The following PADI4 variants were observed in gnomAD, a reference collection of about 807,000 sequenced individuals.
PADI4 encodes the protein protein-arginine deiminase type-4.
A neutral mutation model predicts 75.0 loss-of-function variants in PADI4; 62 were observed. The observed-to-expected ratio is 0.83, with a 90% confidence interval of 0.67 to 1.02. PADI4 has a LOEUF of 1.02. Among genes scored for constraint, PADI4 ranks in the 50% least tolerant of loss-of-function variants. The pLI is 0.00. For missense variants in PADI4, 845 were observed against 850.5 expected, an observed-to-expected ratio of 0.99 and a Z score of 0.08; for synonymous variants, 361 against 348.1, an observed-to-expected ratio of 1.04 and a Z score of -0.41.
chr1:17,349,615 G>A (rs1449655493), intron 10 of PADI4, among the ~76,000 whole-genome samples: 1 of 151,244 alleles, frequency 6.6e-6, no homozygotes, highest in African/African-American at 2.4e-5. Flanking sequence ...TGAGGCAGGA[G>A]AATCCCTTGA....
Position 17,362,587 on chromosome 1 carries a change from C to T in PADI4, c.1759-935C>T, listed in dbSNP as rs143648150. Among the ~76,000 whole-genome samples the T allele has an allele frequency of 2.4e-3, 358 of 152,066 alleles. 1 individual carries two copies. Among genetic ancestry groups the T allele is most frequent in the South Asian group, 0.011 (52 of 4,822 alleles). On this transcript the variant is annotated intron_variant, in intron 15 of 15. Coordinates refer to ENST00000375448, the MANE Select transcript of PADI4 (RefSeq NM_012387.3). ...GGGCTGGAAAATTACCTATCGGGTA[C>T]GATGTTCATTGTTTGGGTAATGGAT...
intron 3 of PADI4, 51 bp downstream of exon 3, chr1:17,334,060 C>G: frequency 8.9e-7 from 1 of 1,123,340 alleles, no homozygotes; most frequent in South Asian, 1.2e-5. Context: ...TGCCCACCTC[C>G]TAATCCCTGC....
Position 17,346,245 on chromosome 1 carries a change from C to A in PADI4, c.1047+106C>A. On this transcript the variant is annotated intron_variant, in intron 9 of 15. Transcript: ENST00000375448. This position sits in a 1 kb window ranked among gnomAD's most constrained non-coding sequence, Gnocchi z 4.3. The stretch of plus-strand genomic sequence containing the variant: ...GCCTGGTGCCTCACCGGCCACTCTT[C>A]CTTAGATGGACAGGGAGATAGGAAC... 1.5e-6 allele frequency: 1 copy of A among 667,240 alleles called. No homozygotes were observed. Among genetic ancestry groups the A allele is most frequent in the Non-Finnish European group, 2.7e-6 (1 of 373,526 alleles). 41.3% of individuals were successfully genotyped at this position (667,240 alleles called of 1,614,324 possible).
At chr1:17,329,099 T>C (rs543825754) in intron 1 of PADI4, among the ~76,000 whole-genome samples, 5 of 146,372 alleles carry the variant, frequency 3.4e-5, no homozygotes, top group Admixed American at 2.1e-4. Context: ...TTAATAAATA[T>C]CTTTATTAAG....
At chr1:17,351,482 T>A (rs1280354786) in intron 10 of PADI4, among the ~76,000 whole-genome samples, 1 of 151,152 alleles carries the variant, frequency 6.6e-6, no homozygotes, top group Non-Finnish European at 1.5e-5. Flanking sequence ...TGGTGGTGCA[T>A]GCCTATAGTT....
chr1:17,351,126 A>G (rs2074609619), intron 10 of PADI4, among the ~76,000 whole-genome samples: 2 of 128,352 alleles, frequency 1.6e-5, no homozygotes, highest in Non-Finnish European at 3.4e-5. Flanking sequence ...TGAGCCCAGG[A>G]GGTCAAGGCT....
chr1:17,336,038 A>G, intron 3 of PADI4, 121 bp from the exon 4 acceptor site: 1 of 671,526 alleles, frequency 1.5e-6, no homozygotes, highest in Non-Finnish European at 2.7e-6. Context: ...GGACGGGAAG[A>G]GGGGCTCACA....
intron 1 of PADI4, among the ~76,000 whole-genome samples, chr1:17,330,558 C>T (rs1205347088): frequency 7.8e-6 from 1 of 128,126 alleles, no homozygotes; most frequent in African/African-American, 2.8e-5. Context: ...CCTAGCAAGC[C>T]ACTGGAGCAA....
intron 1 of PADI4, among the ~76,000 whole-genome samples, chr1:17,316,176 A>T (rs1415017037): frequency 2.0e-5 from 3 of 151,458 alleles, no homozygotes; most frequent in Non-Finnish European, 4.4e-5. Context: ...GGCTGATCAC[A>T]TGAGGCCAGA....
intron 10 of PADI4, among the ~76,000 whole-genome samples, chr1:17,351,680 T>C (rs2074627429): frequency 6.6e-6 from 1 of 150,548 alleles, no homozygotes; most frequent in Non-Finnish European, 1.5e-5. Context: ...ACGGAGAAGC[T>C]GACCTTGCAG....
intron 6 of PADI4, among the ~76,000 whole-genome samples, chr1:17,341,007 G>A (rs572336257): frequency 1.3e-5 from 2 of 151,260 alleles, no homozygotes; most frequent in African/African-American, 4.9e-5. Context: ...CACCAGGTTG[G>A]CCAGACAGGT....
chr1:17,316,710 TTAATTAATTAATTAATTAATTA>T (rs1557539615), intron 1 of PADI4, among the ~76,000 whole-genome samples: 4 of 141,146 alleles, frequency 2.8e-5, no homozygotes, highest in Non-Finnish European at 4.6e-5. Context: ...AATAAATAAA[TTAATTAATTAATTAATTAATTA>T]AAATAAATAA....
intron 8 of PADI4, 64 bp from the exon 9 acceptor site, chr1:17,345,964 C>A: frequency 3.6e-6 from 4 of 1,107,996 alleles, no homozygotes; most frequent in Admixed American, 1.8e-5. Flanking sequence ...GTGTCCCTCC[C>A]AATCCTTCCA....
intron 10 of PADI4, among the ~76,000 whole-genome samples, chr1:17,352,900 G>C (rs2074690787): frequency 6.6e-6 from 1 of 152,210 alleles, no homozygotes; most frequent in Non-Finnish European, 1.5e-5. Flanking sequence ...ATGAGACTTG[G>C]CAGGACGACT....
rs140720020 is a variant in PADI4 at position 17,341,969 on chromosome 1, G to A, written c.679G>A (p.Val227Ile). ...TRGKLSSKCS[V>I]VLGPKWPSHY... Reference sequence around the variant, plus strand: ...GGGCAAACTGTCCTCCAAGTGCAGCGTAGTCTTGGGTCCCAAGTGGCCCTC... The same window carrying A: ...GGGCAAACTGTCCTCCAAGTGCAGCATAGTCTTGGGTCCCAAGTGGCCCTC... The change falls in exon 7 of 16, where the codon GTA becomes ATA. Residue 227 changes from valine to isoleucine, a missense_variant. Transcript: ENST00000375448. 43 of 1,613,896 alleles carry A rather than the reference G, an allele frequency of 2.7e-5. No homozygotes were observed. Among genetic ancestry groups the A allele is most frequent in the African/African-American group, 1.6e-4 (12 of 74,906 alleles).
chr1:17,336,785 G>C (rs2074320334), intron 4 of PADI4, among the ~76,000 whole-genome samples: 1 of 152,230 alleles, frequency 6.6e-6, no homozygotes, highest in African/African-American at 2.4e-5. Flanking sequence ...GTGTGCACTG[G>C]GGGCTGTGCC....
At position 17,342,396 on chromosome 1, in the gene PADI4, C is replaced by A. The variant is rs745660442; in HGVS notation, c.929C>A (p.Ala310Glu). The A allele has an allele frequency of 3.1e-6, 5 of 1,607,776 alleles. No individual in the cohort carries two copies. The African/African-American group carries it at 5.3e-5, about 17-fold the overall frequency. Reference protein sequence around the residue: ...PNTQPPQEVYACSIFENEDFL... With the variant: ...PNTQPPQEVYECSIFENEDFL... ...ACCCAGCCCCCGCAGGAGGTGTACG[C>A]GTGCAGGTGAGAGGTCCTGGGGTGC... The change falls in exon 8 of 16, where the codon GCG becomes GAG. Residue 310 changes from alanine to glutamate, a missense_variant. Transcript: ENST00000375448.
chr1:17,311,848 T>C (rs1264317241), intron 1 of PADI4, among the ~76,000 whole-genome samples: 1 of 152,170 alleles, frequency 6.6e-6, no homozygotes, highest in African/African-American at 2.4e-5. Flanking sequence ...AATAGACCAG[T>C]TGGCATGACA....
At position 17,326,876 on chromosome 1, in the gene PADI4, G is replaced by A. The variant is rs1315631614; in HGVS notation, c.93-4093G>A. The stretch of plus-strand genomic sequence containing the variant: ...TTGTCAACTTCTTTTCCCTATGAAT[G>A]TATTTCTATTAATGTTTGCCTTATA... On this transcript the variant is annotated intron_variant, in intron 1 of 15. Coordinates refer to ENST00000375448, the MANE Select transcript of PADI4 (RefSeq NM_012387.3). Among the ~76,000 whole-genome samples the A allele has an allele frequency of 6.8e-5, 10 of 146,016 alleles. No homozygotes were observed. In the East Asian group the frequency reaches 2.0e-3, roughly 29 times the overall value.
Sources: allele counts gnomAD v4.1 joint callset (sites outside exome capture counted in the v4.1 genomes callset), GRCh38; gene constraint gnomAD v4.1.1; non-coding constraint Gnocchi (gnomAD v3.1); transcripts MANE v1.5; gene names NCBI Gene and HGNC (gene_info 2026-07-23, HGNC 2026-07-21).